CPNE4: variants seen among roughly 807,000 people sequenced by gnomAD.
CPNE4 encodes the protein copine 4.
Under a neutral mutation model 67.9 loss-of-function variants are expected in CPNE4, and 25 were observed. That is an observed-to-expected ratio of 0.37 (90% CI 0.27 to 0.51). CPNE4 has a LOEUF of 0.51. CPNE4 is among the 20% of genes least tolerant of loss of function. The pLI, the probability that CPNE4 is intolerant of heterozygous loss-of-function variation, is 0.93. For missense variants in CPNE4, 464 were observed against 690.8 expected (o/e 0.67, Z 3.68); for synonymous variants, 242 against 244.9 (o/e 0.99, Z 0.11).
intron 1 of CPNE4, among the ~76,000 whole-genome samples, chr3:131,982,449 T>G (rs1182500158): frequency 1.3e-5 from 2 of 152,202 alleles, no homozygotes; most frequent in Non-Finnish European, 1.5e-5. Flanking sequence ...AAAAATGAAG[T>G]GCTAGACTGA....
chr3:131,622,731 T>C (rs370819450), intron 7 of CPNE4, among the ~76,000 whole-genome samples: 66 of 152,234 alleles, frequency 4.3e-4, no homozygotes, highest in African/African-American at 1.5e-3. Flanking sequence ...GGGGAAATAA[T>C]TGACAGGAGA....
chr3:131,915,315 T>C (rs879884675), intron 1 of CPNE4, among the ~76,000 whole-genome samples: 4 of 152,246 alleles, frequency 2.6e-5, no homozygotes, highest in African/African-American at 4.8e-5. Flanking sequence ...GTGTAGTGTA[T>C]GTATTGAGAT....
chr3:131,664,101 T>C (rs2080200629), intron 7 of CPNE4, among the ~76,000 whole-genome samples: 1 of 152,134 alleles, frequency 6.6e-6, no homozygotes, highest in South Asian at 2.1e-4. Flanking sequence ...GTTTGGAAAT[T>C]AGAGAAAGAG....
At chr3:131,869,155 C>T (rs1473377120) in intron 2 of CPNE4, among the ~76,000 whole-genome samples, 1 of 152,044 alleles carries the variant, frequency 6.6e-6, no homozygotes, top group Non-Finnish European at 1.5e-5. Flanking sequence ...AGCTCTAGTT[C>T]TTTTGGTTTT....
At chr3:131,743,081 A>G (rs1285943233) in intron 2 of CPNE4, among the ~76,000 whole-genome samples, 1 of 152,230 alleles carries the variant, frequency 6.6e-6, no homozygotes, top group African/African-American at 2.4e-5. Context: ...TCTTTAATAA[A>G]ATAAAACAGA....
chr3:131,676,785 A>G (rs1009257205), intron 6 of CPNE4, among the ~76,000 whole-genome samples: 1 of 152,198 alleles, frequency 6.6e-6, no homozygotes, highest in Admixed American at 6.5e-5. Context: ...TCTATAATTG[A>G]TGGGCATTTG....
At position 131,589,672 on chromosome 3, in the gene CPNE4, G is replaced by A. The variant is rs148468047; in HGVS notation, c.682-2090C>T. On this transcript the variant is annotated intron_variant, in intron 7 of 15. Coordinates refer to ENST00000429747, the MANE Select transcript of CPNE4 (RefSeq NM_130808.3). ...TTGAAAGTTTCTCTAAAATGGGGTC[G>A]GTAGGAATGAAAAACATTTGCAATG... Among the ~76,000 whole-genome samples, 913 of 152,254 alleles carry A rather than the reference G, an allele frequency of 6.0e-3. 8 individuals carry two copies. The highest frequency in any genetic ancestry group is 0.02 in the African/African-American group (839 of 41,530).
chr3:131,722,842 G>C (rs1025772727), intron 3 of CPNE4, among the ~76,000 whole-genome samples: 2 of 152,204 alleles, frequency 1.3e-5, no homozygotes, highest in Non-Finnish European at 2.9e-5. Context: ...ACCTAGTAGA[G>C]TCCTAACACT....
At chr3:131,962,517 C>T (rs1337120123) in intron 1 of CPNE4, among the ~76,000 whole-genome samples, 1 of 152,226 alleles carries the variant, frequency 6.6e-6, no homozygotes, top group Non-Finnish European at 1.5e-5. Context: ...ATAGACTGGA[C>T]TCCTTACAGG....
intron 2 of CPNE4, among the ~76,000 whole-genome samples, chr3:131,832,848 T>C (rs962507048): frequency 6.6e-6 from 1 of 152,142 alleles, no homozygotes; most frequent in Non-Finnish European, 1.5e-5. Flanking sequence ...ATGAATGTAT[T>C]TTGCATGAGA....
intron 7 of CPNE4, among the ~76,000 whole-genome samples, chr3:131,657,704 T>TTGTGTGTG (rs56890555): frequency 0.015 from 2,069 of 140,908 alleles, 24 homozygotes; most frequent in East Asian, 0.059. Context: ...CCAGCTAATT[T>TTGTGTGTG]TGTGTGTGTG....
At chr3:131,752,371 C>T (rs2082651238) in intron 2 of CPNE4, among the ~76,000 whole-genome samples, 1 of 152,086 alleles carries the variant, frequency 6.6e-6, no homozygotes, top group South Asian at 2.1e-4. Flanking sequence ...CTGTCCCTTT[C>T]CTGGTCCTTT....
intron 2 of CPNE4, among the ~76,000 whole-genome samples, chr3:131,829,294 G>T (rs1160093761): frequency 6.6e-6 from 1 of 152,158 alleles, no homozygotes; most frequent in Non-Finnish European, 1.5e-5. Context: ...GCTGAAGTTT[G>T]GTTAATGGTA....
At chr3:131,551,737 T>C (rs1283966743) in intron 13 of CPNE4, among the ~76,000 whole-genome samples, 1 of 152,110 alleles carries the variant, frequency 6.6e-6, no homozygotes, top group Non-Finnish European at 1.5e-5. Context: ...GATATGGACA[T>C]TTCTAATGCA....
intron 2 of CPNE4, among the ~76,000 whole-genome samples, chr3:131,747,496 G>T (rs1409329758): frequency 6.6e-6 from 1 of 151,666 alleles, no homozygotes; most frequent in African/African-American, 2.4e-5. Context: ...TTTAGCAACT[G>T]TAAGTGTTGG....
At chr3:132,037,768 A>G, upstream of CPNE4, 1 of 591,100 alleles carries the variant, frequency 1.7e-6, no homozygotes, top group Non-Finnish European at 3.0e-6. Context: ...TATGAAAGGC[A>G]TCTCACCCAT....
At position 131,575,055 on chromosome 3, in the gene CPNE4, C is replaced by T. The variant is rs1937517198; in HGVS notation, c.927+16G>A. 3.1e-6 allele frequency: 5 copies of T among 1,608,586 alleles called. No individual in the cohort carries two copies. Among genetic ancestry groups the T allele is most frequent in the Middle Eastern group, 3.3e-4 (2 of 6,056 alleles). ...TCCTGAATAAGAATCAAGGAATCAA[C>T]ATGAAAACAACTTACTGTAAACTGG... is the stretch of plus-strand genomic sequence containing the variant. On this transcript the variant is annotated intron_variant, in intron 10 of 15. Transcript: ENST00000429747.
At position 132,014,483 on chromosome 3, in the gene CPNE4, G is replaced by C. The variant is rs532162953; in HGVS notation, c.-2+20084C>G. Among the ~76,000 whole-genome samples the C allele has an allele frequency of 2.6e-5, 4 of 152,310 alleles. No individual in the cohort carries two copies. In the South Asian group the frequency reaches 8.3e-4, roughly 32 times the overall value. ...AAGAGGCACCATCAAGCTTGGGCTA[G>C]AAATTATGACTTTGTTCATTAGACC... On this transcript the variant is annotated intron_variant, in intron 1 of 15. Transcript: ENST00000429747.
chr3:131,600,656 A>C (rs1272433239), intron 7 of CPNE4, among the ~76,000 whole-genome samples: 1 of 152,172 alleles, frequency 6.6e-6, no homozygotes, highest in Non-Finnish European at 1.5e-5. Flanking sequence ...AACGTGGAGC[A>C]TCTAGGGCAT....
Sources: allele counts gnomAD v4.1 joint callset (sites outside exome capture counted in the v4.1 genomes callset), GRCh38; gene constraint gnomAD v4.1.1; transcripts MANE v1.5; gene names NCBI Gene and HGNC (gene_info 2026-07-23, HGNC 2026-07-21).